CERS4: variants seen among roughly 807,000 people sequenced by gnomAD.
CERS4 encodes the protein ceramide synthase 4.
In CERS4, 65 loss-of-function variants were observed where a neutral mutation model predicts 51.8. That is an observed-to-expected ratio of 1.26 (90% CI 1.03 to 1.54). CERS4 has a LOEUF of 1.54. Ranked by LOEUF, CERS4 falls within the 40% of genes most tolerant of loss-of-function variation. The pLI is 0.00. For missense variants in CERS4, 563 were observed against 500.4 expected, an observed-to-expected ratio of 1.13 and a Z score of -1.19; for synonymous variants, 228 against 208.4, an observed-to-expected ratio of 1.09 and a Z score of -0.81.
rs1285060539 is a variant in CERS4 at position 8,210,630 on chromosome 19, G to A, written c.-158-76G>A. ...GGGGCGACCTGGGTCTGTTATATGG[G>A]GATAGGGTTCCTGGACTGTGGAATT... On this transcript the variant is annotated intron_variant, in intron 1 of 11. Transcript: ENST00000251363. The surrounding 1 kb of genome is among the most constrained non-coding windows in gnomAD (Gnocchi z 4.2). 1 of 149,870 alleles carries A rather than the reference G, an allele frequency of 6.7e-6. No individual in the cohort carries two copies. Among genetic ancestry groups the A allele is most frequent in the Non-Finnish European group, 1.5e-5 (1 of 68,124 alleles). 9.3% of individuals were successfully genotyped at this position (149,870 alleles called of 1,614,324 possible).
chr19:8,238,964 G>C (rs1208123168), intron 2 of CERS4, among the ~76,000 whole-genome samples: 1 of 152,010 alleles, frequency 6.6e-6, no homozygotes, highest in Non-Finnish European at 1.5e-5. Flanking sequence ...AGCTGGGTGT[G>C]GTGGCATGCT....
At position 8,229,908 on chromosome 19, in the gene CERS4, T is replaced by C. The variant is rs139368197; in HGVS notation, c.-2+19046T>C. 1.1e-4 allele frequency among the ~76,000 whole-genome samples: 16 copies of C among 152,184 alleles called. No individual in the cohort carries two copies. The East Asian group carries it at 1.7e-3, about 17-fold the overall frequency. On this transcript the variant is annotated intron_variant, in intron 2 of 11. Coordinates refer to ENST00000251363, the MANE Select transcript of CERS4 (RefSeq NM_024552.3). ...GCTGTTGTTGTTGTTTTAATTTTAG[T>C]AGAGACAAGGTCTCACTGTGTTTCC...
At chr19:8,229,443 C>G (rs1253030299) in intron 2 of CERS4, among the ~76,000 whole-genome samples, 1 of 151,644 alleles carries the variant, frequency 6.6e-6, no homozygotes. Context: ...CTTCGTGTGT[C>G]GCTCTCACCC....
At chr19:8,246,996 T>C (rs576760433) in intron 2 of CERS4, among the ~76,000 whole-genome samples, 1 of 152,016 alleles carries the variant, frequency 6.6e-6, no homozygotes, top group Non-Finnish European at 1.5e-5. Context: ...CAAAACCCCA[T>C]CTCTACTAAA....
At chr19:8,244,798 T>G (rs578016311) in intron 2 of CERS4, among the ~76,000 whole-genome samples, 1 of 152,106 alleles carries the variant, frequency 6.6e-6, no homozygotes, top group Non-Finnish European at 1.5e-5. Flanking sequence ...CCCAAAGTGC[T>G]GGGATTACAG....
chr19:8,254,884 T>C (rs1013825171), intron 4 of CERS4, among the ~76,000 whole-genome samples: 1 of 139,936 alleles, frequency 7.1e-6, no homozygotes, highest in East Asian at 2.0e-4. Flanking sequence ...GACCCCCCCC[T>C]TCCCAGCCTC....
intron 2 of CERS4, among the ~76,000 whole-genome samples, chr19:8,228,469 G>C (rs1005520090): frequency 6.6e-6 from 1 of 152,124 alleles, no homozygotes; most frequent in Non-Finnish European, 1.5e-5. Context: ...GAGGCCAGTA[G>C]TTTGAGACCA....
intron 2 of CERS4, among the ~76,000 whole-genome samples, chr19:8,215,359 G>A (rs1402377467): frequency 2.0e-5 from 3 of 151,938 alleles, no homozygotes; most frequent in East Asian, 1.9e-4. Context: ...TGTGCCTGTA[G>A]TCCCAGCTAC....
rs148045375 is a variant in CERS4, at chr19:8,212,382, G to A, written c.-2+1520G>A. The stretch of plus-strand genomic sequence containing the variant: ...GGAGGGAGCAGCTGCTCATGGGGGA[G>A]AAGCTTTAGGTGTAAGTCAGCAATC... On this transcript the variant is annotated intron_variant, in intron 2 of 11. Transcript: ENST00000251363. Among the ~76,000 whole-genome samples, 37 of 152,228 alleles carry A rather than the reference G, an allele frequency of 2.4e-4. No homozygotes were observed. In the East Asian group the frequency reaches 6.4e-3, roughly 26 times the overall value.
chr19:8,234,779 C>A (rs2145220475), intron 2 of CERS4, among the ~76,000 whole-genome samples: 1 of 151,604 alleles, frequency 6.6e-6, no homozygotes, highest in South Asian at 2.1e-4. Flanking sequence ...GTCTCGAACT[C>A]CTGACCTCAG....
At position 8,243,831 on chromosome 19, in the gene CERS4, C is replaced by T. The variant is rs529625429; in HGVS notation, c.-1-7245C>T. Reference sequence around the variant, plus strand: ...TGCCTCCTCCACACGCCCACGGGAACATTTTAGCTGCCCTCCCCCACACCC... The same window carrying T: ...TGCCTCCTCCACACGCCCACGGGAATATTTTAGCTGCCCTCCCCCACACCC... On this transcript the variant is annotated intron_variant, in intron 2 of 11. Coordinates refer to ENST00000251363, the MANE Select transcript of CERS4 (RefSeq NM_024552.3). Among the ~76,000 whole-genome samples, 119 of 151,004 alleles carry T rather than the reference C, an allele frequency of 7.9e-4. 1 individual carries two copies. Among genetic ancestry groups the T allele is most frequent in the Non-Finnish European group, 9.6e-4 (65 of 67,786 alleles).
intron 2 of CERS4, among the ~76,000 whole-genome samples, chr19:8,236,123 A>G (rs1021388673): frequency 6.6e-6 from 1 of 152,018 alleles, no homozygotes; most frequent in Non-Finnish European, 1.5e-5. Flanking sequence ...GTAAACCGGG[A>G]GGCGGAGCTT....
chr19:8,252,802 T>A (rs568403342), intron 3 of CERS4, among the ~76,000 whole-genome samples: 1 of 152,112 alleles, frequency 6.6e-6, no homozygotes, highest in Non-Finnish European at 1.5e-5. Flanking sequence ...CTTGAACTCC[T>A]GAGTTCAAGC....
chr19:8,251,880 C>T (rs960021939), intron 3 of CERS4, among the ~76,000 whole-genome samples: 2 of 151,592 alleles, frequency 1.3e-5, no homozygotes, highest in East Asian at 1.9e-4. Flanking sequence ...GTGGGGTGGG[C>T]GGAGGGTTTT....
chr19:8,260,369 ATTTT>A (rs57861384), intron 10 of CERS4, among the ~76,000 whole-genome samples: 17,792 of 139,002 alleles, frequency 0.13, 1,217 homozygotes, highest in South Asian at 0.15. Flanking sequence ...TAATTTTTGT[ATTTT>A]TTTTTTTTTT....
chr19:8,257,848 T>C (rs763891387), intron 9 of CERS4, 31 bp from the exon 10 acceptor site: 5 of 1,563,914 alleles, frequency 3.2e-6, no homozygotes, highest in African/African-American at 1.3e-5. Flanking sequence ...GCCCTGGTCC[T>C]GAGCCCATTT....
At chr19:8,245,278 T>C (rs1045807504) in intron 2 of CERS4, among the ~76,000 whole-genome samples, 2 of 152,008 alleles carry the variant, frequency 1.3e-5, no homozygotes, top group Non-Finnish European at 2.9e-5. Flanking sequence ...TGGAGACAGG[T>C]ATCACTCTGT....
At chr19:8,253,310 G>A (rs1599582349) in intron 3 of CERS4, among the ~76,000 whole-genome samples, 1 of 152,332 alleles carries the variant, frequency 6.6e-6, no homozygotes, top group South Asian at 2.1e-4. Flanking sequence ...AGACTGGCGG[G>A]GGGTCAGACC....
chr19:8,219,095 G>A (rs1463346283), intron 2 of CERS4, among the ~76,000 whole-genome samples: 3 of 152,002 alleles, frequency 2.0e-5, no homozygotes, highest in Admixed American at 6.6e-5. Context: ...TATTCCCAGC[G>A]ACTTGGGAGG....
Sources: allele counts gnomAD v4.1 joint callset (sites outside exome capture counted in the v4.1 genomes callset), GRCh38; gene constraint gnomAD v4.1.1; non-coding constraint Gnocchi (gnomAD v3.1); transcripts MANE v1.5; gene names NCBI Gene and HGNC (gene_info 2026-07-23, HGNC 2026-07-21).